Variants in APBB2 observed in about 807,000 individuals in gnomAD.
The protein encoded by APBB2 is Fe65-like 1.
Under a neutral mutation model 82.5 loss-of-function variants are expected in APBB2, and 38 were observed. The observed-to-expected ratio is 0.46, with a 90% confidence interval of 0.36 to 0.60. The LOEUF is 0.60. Ranked by LOEUF, APBB2 falls within the 20% of genes least tolerant of loss-of-function variation. The pLI, the probability that APBB2 is intolerant of heterozygous loss-of-function variation, is 0.00. For missense variants in APBB2, 772 were observed against 972.3 expected (o/e 0.79, Z 2.74); for synonymous variants, 341 against 368.2 (o/e 0.93, Z 0.85).
chr4:40,860,939 C>T (rs1017497958), intron 12 of APBB2, among the ~76,000 whole-genome samples: 8 of 152,160 alleles, frequency 5.3e-5, no homozygotes, highest in South Asian at 2.1e-4. Flanking sequence ...CCCGAGGGCT[C>T]GTCACCCTTG....
chr4:40,961,029 T>C (rs1793048931), intron 6 of APBB2, among the ~76,000 whole-genome samples: 1 of 151,632 alleles, frequency 6.6e-6, no homozygotes, highest in Non-Finnish European at 1.5e-5. Flanking sequence ...TGCCTTGGAC[T>C]ATGAGGACAT....
chr4:41,204,298 T>G (rs1236159197), intron 1 of APBB2, among the ~76,000 whole-genome samples: 1 of 152,184 alleles, frequency 6.6e-6, no homozygotes, highest in Non-Finnish European at 1.5e-5. Context: ...CTGCAGAAGA[T>G]TTCAGAAGAT....
chr4:40,859,512 G>C (rs1284963172), intron 12 of APBB2, among the ~76,000 whole-genome samples: 1 of 152,100 alleles, frequency 6.6e-6, no homozygotes, highest in East Asian at 1.9e-4. Context: ...GCCTGCAGTA[G>C]TGTTTTAACA....
At chr4:41,091,827 T>C (rs1049542521) in intron 3 of APBB2, among the ~76,000 whole-genome samples, 4 of 152,108 alleles carry the variant, frequency 2.6e-5, no homozygotes, top group African/African-American at 4.8e-5. Context: ...AGGTTTGAGG[T>C]CAGCAAAAAA....
Position 40,888,024 on chromosome 4 carries a change from C to T in APBB2, c.1529+2340G>A, listed in dbSNP as rs1375568527. Among the ~76,000 whole-genome samples, 6 of 152,298 alleles carry T rather than the reference C, an allele frequency of 3.9e-5. No individual in the cohort carries two copies. The East Asian group carries it at 1.2e-3, about 29-fold the overall frequency. On this transcript the variant is annotated intron_variant, in intron 12 of 17. Coordinates refer to ENST00000508593, the MANE Select transcript of APBB2 (RefSeq NM_004307.2). ...TCATCCTCTAGATCACGTGATCAAG[C>T]GTACTTCAAGTCTCCCTGCGGTCTG... is the stretch of plus-strand genomic sequence containing the variant.
At chr4:40,917,986 CA>C (rs1780257195) in intron 10 of APBB2, among the ~76,000 whole-genome samples, 1 of 152,216 alleles carries the variant, frequency 6.6e-6, no homozygotes, top group Non-Finnish European at 1.5e-5. Context: ...ATTCCACATG[CA>C]AAACGCAATC....
intron 2 of APBB2, among the ~76,000 whole-genome samples, chr4:41,130,756 GC>G (rs933247562): frequency 6.6e-6 from 1 of 151,820 alleles, no homozygotes; most frequent in Non-Finnish European, 1.5e-5. Flanking sequence ...CCAAGACCAC[GC>G]CCTCCCCACT....
intron 2 of APBB2, among the ~76,000 whole-genome samples, chr4:41,119,170 G>C (rs1342236832): frequency 6.7e-6 from 1 of 149,404 alleles, no homozygotes; most frequent in Non-Finnish European, 1.5e-5. Flanking sequence ...TTAAGAGCAT[G>C]AACATGAGGT....
rs113985402 is a variant in APBB2 at position 40,887,349 on chromosome 4, T to C, written c.1529+3015A>G. On this transcript the variant is annotated intron_variant, in intron 12 of 17. Transcript: ENST00000508593. ...TTTGCGCCCTTCATGTCTGGTATAA[T>C]ACACACTTCTCTTATTCATTTTAAC... Among the ~76,000 whole-genome samples, 297 of 152,338 alleles carry C rather than the reference T, an allele frequency of 1.9e-3. 2 individuals carry two copies. The highest frequency in any genetic ancestry group is 6.8e-3 in the African/African-American group (283 of 41,572).
intron 5 of APBB2, among the ~76,000 whole-genome samples, chr4:41,028,853 G>A (rs62412145): frequency 0.046 from 6,954 of 152,212 alleles, 329 homozygotes; most frequent in African/African-American, 0.12. Flanking sequence ...CCTGTAACTC[G>A]GACCACATCC....
intron 1 of APBB2, among the ~76,000 whole-genome samples, chr4:41,159,943 G>A (rs1233377639): frequency 5.7e-4 from 27 of 47,646 alleles, no homozygotes; most frequent in East Asian, 1.3e-3. Flanking sequence ...GGAGGAGGAG[G>A]AGAAGGAGAA....
intron 2 of APBB2, among the ~76,000 whole-genome samples, chr4:41,114,315 C>T (rs910771929): frequency 6.6e-6 from 1 of 152,086 alleles, no homozygotes; most frequent in Non-Finnish European, 1.5e-5. Flanking sequence ...ATTGATGGAA[C>T]GTATTTCAAA....
Position 41,013,752 on chromosome 4 carries a change from T to C in APBB2, c.666A>G (p.Gln222=), listed in dbSNP as rs749022238. ...CTGGGCTGGATGACACTGTGGCTAC[T>C]TGGCCGTCTTCAGGGCTGGACTGGG... The part of the protein sequence containing the change: ...NRPQSSPEDG[Q]VATVSSSPET... Residue 222 remains glutamine (Q), a synonymous_variant, in exon 6 of 18, where the codon CAA becomes CAG. Transcript: ENST00000508593. 21 of 1,614,200 alleles carry C rather than the reference T, an allele frequency of 1.3e-5. 1 individual carries two copies. In the Admixed American group the frequency reaches 2.2e-4, roughly 17 times the overall value.
At chr4:41,032,307 A>G (rs7675801) in intron 5 of APBB2, among the ~76,000 whole-genome samples, 6,972 of 152,290 alleles carry the variant, frequency 0.046, 338 homozygotes, top group African/African-American at 0.12. Flanking sequence ...ATGATGTTTA[A>G]TATGAAATGT....
intron 1 of APBB2, among the ~76,000 whole-genome samples, chr4:41,155,428 G>A (rs746081423): frequency 3.2e-4 from 48 of 152,264 alleles, no homozygotes; most frequent in Non-Finnish European, 5.6e-4. Context: ...AAGATTATGC[G>A]TCTTTAACAA....
intron 2 of APBB2, among the ~76,000 whole-genome samples, chr4:41,134,771 T>C (rs1110281): frequency 0.052 from 7,926 of 152,212 alleles, 443 homozygotes; most frequent in African/African-American, 0.14. Flanking sequence ...CTTGGCAAAC[T>C]GCACATGCAA....
At chr4:41,209,115 T>C (rs145476184) in intron 1 of APBB2, among the ~76,000 whole-genome samples, 5 of 152,270 alleles carry the variant, frequency 3.3e-5, no homozygotes, top group Non-Finnish European at 7.4e-5. Context: ...CTGGAGTTAA[T>C]GACCCACTCC....
chr4:40,975,791 A>C (rs902783417), intron 6 of APBB2, among the ~76,000 whole-genome samples: 1 of 78,692 alleles, frequency 1.3e-5, no homozygotes, highest in Admixed American at 1.2e-4. Context: ...CACACACACA[A>C]CAACCACTCT....
intron 6 of APBB2, among the ~76,000 whole-genome samples, chr4:41,012,340 G>C (rs1288844448): frequency 6.6e-6 from 1 of 152,152 alleles, no homozygotes; most frequent in African/African-American, 2.4e-5. Flanking sequence ...ACTCCAGCAG[G>C]TGACAATGTC....
Sources: gnomAD v4.1 joint callset for allele counts (sites outside exome capture counted in the v4.1 genomes callset) on GRCh38, gnomAD v4.1.1 for gene constraint, MANE v1.5 for transcripts, NCBI Gene and HGNC (gene_info 2026-07-23, HGNC 2026-07-21) for gene names.